CCND3: variants seen among roughly 807,000 people sequenced by gnomAD.
The protein encoded by CCND3 is cyclin D3, also known as G1/S-specific cyclin-D3.
Under a neutral mutation model 28.7 loss-of-function variants are expected in CCND3, and 9 were observed. The ratio of observed to expected loss-of-function variants is 0.31; its 90% CI spans 0.19 to 0.55. The LOEUF (loss-of-function observed/expected upper bound fraction) is 0.55. Ranked by LOEUF, CCND3 falls within the 20% of genes least tolerant of loss-of-function variation. CCND3 has a pLI of 0.93. For synonymous variants in CCND3, 164 were observed against 163.9 expected (o/e 1.00, Z 0.00); for missense variants, 315 against 385.8 (o/e 0.82, Z 1.54).
At chr6:41,956,487 A>G (rs1776438911) in intron 1 of CCND3, among the ~76,000 whole-genome samples, 1 of 152,114 alleles carries the variant, frequency 6.6e-6, no homozygotes, top group Non-Finnish European at 1.5e-5. Context: ...TTCTAAAGGT[A>G]GGCCATCATA....
chr6:41,990,611 G>C (rs1762616220), intron 1 of CCND3, among the ~76,000 whole-genome samples: 1 of 148,322 alleles, frequency 6.7e-6, no homozygotes. Flanking sequence ...TAAACCAATA[G>C]GAAATAATAG....
upstream of CCND3, among the ~76,000 whole-genome samples, chr6:41,946,595 C>CAAAAAAAAAAAAA (rs35369019): frequency 1.4e-4 from 3 of 20,932 alleles, no homozygotes; most frequent in African/African-American, 1.8e-4. Context: ...AGACCTGTCT[C>CAAAAAAAAAAAAA]AAAAAAAAAA....
chr6:41,952,811 A>AGT (rs58133117), intron 1 of CCND3, among the ~76,000 whole-genome samples: 59,980 of 150,712 alleles, frequency 0.4, 12,895 homozygotes, highest in East Asian at 0.69. Context: ...AGTGAGTGTG[A>AGT]GTGTGTGTGT....
intron 1 of CCND3, among the ~76,000 whole-genome samples, chr6:41,999,157 T>C (rs1333795462): frequency 6.6e-6 from 1 of 152,102 alleles, no homozygotes; most frequent in Non-Finnish European, 1.5e-5. Context: ...TGGCTGGGCA[T>C]GGTGGCTGAG....
intron 1 of CCND3, among the ~76,000 whole-genome samples, chr6:41,991,061 C>CTT (rs574845287): frequency 1.4e-5 from 2 of 142,428 alleles, no homozygotes. Context: ...GCTGGGAAAA[C>CTT]TTTTTTTTTT....
At chr6:42,008,288 G>A (rs764996547) in intron 1 of CCND3, among the ~76,000 whole-genome samples, 9 of 152,110 alleles carry the variant, frequency 5.9e-5, no homozygotes, top group Non-Finnish European at 1.2e-4. Context: ...TGAGGTAAGA[G>A]AATCACTTAA....
intron 1 of CCND3, among the ~76,000 whole-genome samples, chr6:41,966,366 G>T (rs72853818): frequency 6.6e-6 from 1 of 151,860 alleles, no homozygotes; most frequent in African/African-American, 2.4e-5. Flanking sequence ...GCTGCAATGA[G>T]CCATAATTGC....
At chr6:41,948,359 C>T (rs962262479) in intron 1 of CCND3, among the ~76,000 whole-genome samples, 44 of 148,368 alleles carry the variant, frequency 3.0e-4, no homozygotes, top group African/African-American at 1.1e-3. Context: ...TTTTTTGAGA[C>T]AGGGTCTCAC....
intron 1 of CCND3, among the ~76,000 whole-genome samples, chr6:41,960,124 G>C (rs1761681431): frequency 6.6e-6 from 1 of 152,142 alleles, no homozygotes; most frequent in African/African-American, 2.4e-5. Flanking sequence ...AGTGAAAGAA[G>C]CCACGTACAA....
intron 1 of CCND3, among the ~76,000 whole-genome samples, chr6:41,947,116 G>A (rs780834321): frequency 5.9e-5 from 9 of 152,054 alleles, no homozygotes; most frequent in Non-Finnish European, 1.2e-4. Flanking sequence ...AGCTACTCAG[G>A]AGGCTGAGGA....
At chr6:42,029,034 T>C (rs1763969119) in intron 1 of CCND3, among the ~76,000 whole-genome samples, 1 of 151,336 alleles carries the variant, frequency 6.6e-6, no homozygotes, top group Non-Finnish European at 1.5e-5. Context: ...AGGATTGCAG[T>C]GGCATGATCA....
chr6:42,042,883 C>A (rs1469339808), intron 1 of CCND3, among the ~76,000 whole-genome samples: 4 of 152,224 alleles, frequency 2.6e-5, no homozygotes, highest in Non-Finnish European at 4.4e-5. Context: ...GAAACTTTCA[C>A]ACAGCCAGAA....
In CCND3 at chr6:41,974,792, C is replaced by CTTTT. The variant is rs762947208; in HGVS notation, c.-45-34211_-45-34208dup. On this transcript the variant is annotated intron_variant, in intron 1 of 4. Transcript: ENST00000372988. ...GCCTAACTGTCAATTCCCCACAGTTCTTTTTTTTTTTTTTTTTTGAGACGG... is the reference window on the plus strand; with the variant it reads ...GCCTAACTGTCAATTCCCCACAGTTCTTTTTTTTTTTTTTTTTTTTTTGAGACGG... Among the ~76,000 whole-genome samples the CTTTT allele has an allele frequency of 1.3e-3, 165 of 125,822 alleles. 4 individuals carry two copies. Among genetic ancestry groups the CTTTT allele is most frequent in the African/African-American group, 4.2e-3 (140 of 33,170 alleles). The allele number at this position is 125,822 out of a possible 152,430, so 82.5% of individuals were successfully genotyped here.
intron 1 of CCND3, among the ~76,000 whole-genome samples, chr6:42,006,681 G>T (rs1361971405): frequency 1.3e-5 from 2 of 152,152 alleles, no homozygotes; most frequent in Non-Finnish European, 2.9e-5. Flanking sequence ...GGCTGAGGCG[G>T]GTGGGTCACG....
chr6:42,049,175 A>G (rs1764649442), upstream of CCND3, among the ~76,000 whole-genome samples: 1 of 152,092 alleles, frequency 6.6e-6, no homozygotes, highest in Non-Finnish European at 1.5e-5. Flanking sequence ...AGCTAGGACT[A>G]CAGGCGCACG....
intron 1 of CCND3, among the ~76,000 whole-genome samples, chr6:42,000,818 C>T (rs1180013493): frequency 5.3e-5 from 8 of 151,714 alleles, no homozygotes; most frequent in South Asian, 2.1e-4. Context: ...CCGCCTGCCT[C>T]GGCCTCCCAA....
intron 1 of CCND3, among the ~76,000 whole-genome samples, chr6:42,022,316 A>G (rs931059081): frequency 6.6e-6 from 1 of 152,326 alleles, no homozygotes; most frequent in South Asian, 2.1e-4. Flanking sequence ...TACACACTGG[A>G]ATGAGTGAAT....
At chr6:41,975,462 C>T (rs959902330) in intron 1 of CCND3, among the ~76,000 whole-genome samples, 1 of 152,164 alleles carries the variant, frequency 6.6e-6, no homozygotes, top group Non-Finnish European at 1.5e-5. Context: ...AGGCTGGACT[C>T]ATGGTAACCA....
chr6:41,964,674 T>C (rs1372089128), intron 1 of CCND3, among the ~76,000 whole-genome samples: 2 of 148,046 alleles, frequency 1.4e-5, no homozygotes, highest in Non-Finnish European at 3.1e-5. Flanking sequence ...CCCAGCAGGT[T>C]GGGTGCATGA....
Sources: allele counts gnomAD v4.1 joint callset (sites outside exome capture counted in the v4.1 genomes callset), GRCh38; gene constraint gnomAD v4.1.1; transcripts MANE v1.5; gene names NCBI Gene and HGNC (gene_info 2026-07-23, HGNC 2026-07-21).